FBXL16: variants seen among roughly 807,000 people sequenced by gnomAD.
FBXL16 encodes F-box and leucine rich repeat protein 16, also known as F-box/LRR-repeat protein 16.
Under a neutral mutation model 36.7 loss-of-function variants are expected in FBXL16, and 7 were observed. That is an observed-to-expected ratio of 0.19 (90% CI 0.11 to 0.36). FBXL16 has a LOEUF of 0.36. FBXL16 is among the 10% of genes least tolerant of loss of function. The pLI, the probability that FBXL16 is intolerant of heterozygous loss-of-function variation, is 1.00. For synonymous variants in FBXL16, 355 were observed against 308.7 expected, an observed-to-expected ratio of 1.15 and a Z score of -1.57; for missense variants, 463 against 659.4, an observed-to-expected ratio of 0.70 and a Z score of 3.26.
At chr16:701,862 G>A (rs1299819355) in intron 1 of FBXL16, among the ~76,000 whole-genome samples, 2 of 152,206 alleles carry the variant, frequency 1.3e-5, no homozygotes, top group African/African-American at 4.8e-5. Context: ...AGCTTGAAGT[G>A]GAATCCTGTC....
rs374470559 is a variant in FBXL16 at position 694,625 on chromosome 16, G to C, written c.1291+9C>G. Reference sequence around the variant, plus strand: ...ACTGCCAGCGTCAGAGCAGAAACGGGGGTCTCACCTGCCAGAGACAGGAGG... The same window carrying C: ...ACTGCCAGCGTCAGAGCAGAAACGGCGGTCTCACCTGCCAGAGACAGGAGG... On this transcript the variant is annotated intron_variant, in intron 5 of 5. Transcript: ENST00000397621. The C allele has an allele frequency of 6.2e-7, 1 of 1,607,790 alleles. No homozygotes were observed. Among genetic ancestry groups the C allele is most frequent in the South Asian group, 1.1e-5 (1 of 89,940 alleles).
chr16:697,485 G>A lies in FBXL16; in HGVS notation c.-14-66C>T, dbSNP rs2040023295. 21 of 1,461,786 alleles carry A rather than the reference G, an allele frequency of 1.4e-5. No individual in the cohort carries two copies. In the South Asian group the frequency reaches 1.9e-4, roughly 13 times the overall value. The allele number at this position is 1,461,786 out of a possible 1,614,324, so 90.6% of individuals were successfully genotyped here. A position where few individuals can be genotyped will look rare whatever the true frequency, so the allele number is the denominator to read the frequency against. On this transcript the variant is annotated intron_variant, in intron 1 of 5. Transcript: ENST00000397621. The surrounding 1 kb of genome is among the most constrained non-coding windows in gnomAD (Gnocchi z 4.6). ...AGTCTGGAAGGCCGGGGTTGGGGGCGGGTGCAGTGGGGCTCCTTCCCTCCT... is the reference window on the plus strand; with the variant it reads ...AGTCTGGAAGGCCGGGGTTGGGGGCAGGTGCAGTGGGGCTCCTTCCCTCCT...
chr16:699,592 C>T lies in FBXL16; in HGVS notation c.-14-2173G>A, dbSNP rs559120602. ...CATTGCAAAGTGAACGAGCTCAGTGCGTGGCTCATAGCAAGGTCTGGGAGA... is the reference window on the plus strand; with the variant it reads ...CATTGCAAAGTGAACGAGCTCAGTGTGTGGCTCATAGCAAGGTCTGGGAGA... On this transcript the variant is annotated intron_variant, in intron 1 of 5. Coordinates refer to ENST00000397621, the MANE Select transcript of FBXL16 (RefSeq NM_153350.4). Among the ~76,000 whole-genome samples, 7 of 152,332 alleles carry T rather than the reference C, an allele frequency of 4.6e-5. No individual in the cohort carries two copies. The South Asian group carries it at 6.2e-4, about 14-fold the overall frequency.
At chr16:694,751 G>A (rs1318583987) in intron 4 of FBXL16, 54 bp from the exon 5 acceptor site, 18 of 1,526,912 alleles carry the variant, frequency 1.2e-5, no homozygotes, top group Non-Finnish European at 1.6e-5. Flanking sequence ...GAGGCGGAGG[G>A]CACCCTGGGG....
At chr16:700,582 G>C (rs1207492767) in intron 1 of FBXL16, among the ~76,000 whole-genome samples, 2 of 152,036 alleles carry the variant, frequency 1.3e-5, no homozygotes, top group African/African-American at 4.8e-5. Context: ...GGGCTGCCTC[G>C]GTTCCCTCCC....
Position 705,715 on chromosome 16 carries a change from G to C in FBXL16, c.-218C>G, listed in dbSNP as rs948352905. Reference sequence around the variant, plus strand: ...AGGAGCTCCCCGGTGGGAGAGGATCGGCCGCCCCAAGCCTCCCACCGGGGA... The same window carrying C: ...AGGAGCTCCCCGGTGGGAGAGGATCCGCCGCCCCAAGCCTCCCACCGGGGA... On this transcript the variant is annotated 5_prime_UTR_variant, in exon 1 of 6. Transcript: ENST00000397621. The C allele has an allele frequency of 5.4e-5, 8 of 148,482 alleles. No homozygotes were observed. The highest frequency in any genetic ancestry group is 4.7e-4 in the Admixed American group (7 of 14,978). The allele number at this position is 148,482 out of a possible 1,614,324, so 9.2% of individuals were successfully genotyped here.
At position 697,565 on chromosome 16, in the gene FBXL16, G is replaced by A; in HGVS notation, c.-14-146C>T. The A allele has an allele frequency of 9.2e-7, 1 of 1,090,892 alleles. No individual in the cohort carries two copies. The highest frequency in any genetic ancestry group is 1.3e-6 in the Non-Finnish European group (1 of 795,884). The allele number at this position is 1,090,892 out of a possible 1,614,324, so 67.6% of individuals were successfully genotyped here. A position where few individuals can be genotyped will look rare whatever the true frequency, so the allele number is the denominator to read the frequency against. Reference sequence around the variant, plus strand: ...CCAGACAGAGAGGATGGGAGTGCCTGCTTCTCCCTCCCAGACTGTGAGCAG... The same window carrying A: ...CCAGACAGAGAGGATGGGAGTGCCTACTTCTCCCTCCCAGACTGTGAGCAG... On this transcript the variant is annotated intron_variant, in intron 1 of 5. Coordinates refer to ENST00000397621, the MANE Select transcript of FBXL16 (RefSeq NM_153350.4). The surrounding 1 kb of genome is among the most constrained non-coding windows in gnomAD (Gnocchi z 4.6).
At chr16:701,379 C>T (rs1485929372) in intron 1 of FBXL16, among the ~76,000 whole-genome samples, 2 of 152,226 alleles carry the variant, frequency 1.3e-5, no homozygotes, top group African/African-American at 4.8e-5. Flanking sequence ...ATCTCGCGTC[C>T]ACGTTCCTGC....
Position 696,825 on chromosome 16 carries a change from C to G in FBXL16, c.581G>C (p.Gly194Ala). 6.7e-7 allele frequency: 1 copy of G among 1,500,750 alleles called. No individual in the cohort carries two copies. Among genetic ancestry groups the G allele is most frequent in the South Asian group, 1.2e-5 (1 of 82,516 alleles). 93.0% of individuals were successfully genotyped at this position (1,500,750 alleles called of 1,614,324 possible). A position where few individuals can be genotyped will look rare whatever the true frequency, so the allele number is the denominator to read the frequency against. Residue 194 changes from glycine (G) to alanine (A), a missense_variant, in exon 2 of 6, where the codon GGT becomes GCT. This residue lies in a region of FBXL16 where 263 missense variants were observed against 341.1 expected (regional missense o/e 0.77). Coordinates refer to ENST00000397621, the MANE Select transcript of FBXL16 (RefSeq NM_153350.4). The stretch of plus-strand genomic sequence containing the variant: ...GCGCTTGAGGCTCATGGCTTTGACA[C>G]CCTTCTTGGAGAGCGCATAGTTGTC... ...FIDNYALSKK[G>A]VKAMSLKRST...
chr16:694,388 G>C lies in FBXL16; in HGVS notation c.1327C>G (p.Leu443Val). The change falls in exon 6 of 6, where the codon CTG (leucine) becomes GTG (valine). Residue 443 changes from leucine to valine, a missense_variant. By Grantham distance (32) the Leu-to-Val change is conservative (BLOSUM62 1). Coordinates refer to ENST00000397621, the MANE Select transcript of FBXL16 (RefSeq NM_153350.4). ...TCCTCCAGCTCCTGCAGCTGCACCAGGCCCGACAGCCCGGTGGTGGTGAGC... is the reference window on the plus strand; with the variant it reads ...TCCTCCAGCTCCTGCAGCTGCACCACGCCCGACAGCCCGGTGGTGGTGAGC... Reference protein sequence around the residue: ...PLLTTTGLSGLVQLQELEELE... With the variant: ...PLLTTTGLSGVVQLQELEELE... The C allele has an allele frequency of 6.5e-7, 1 of 1,545,236 alleles. No homozygotes were observed.
chr16:699,797 C>T (rs1267176528), intron 1 of FBXL16, among the ~76,000 whole-genome samples: 1 of 151,740 alleles, frequency 6.6e-6, no homozygotes, highest in Non-Finnish European at 1.5e-5. Flanking sequence ...CACAGCCTCA[C>T]TGGAAGGTCT....
Position 692,964 on chromosome 16 carries a change from T to C in FBXL16, c.*1311A>G, listed in dbSNP as rs1273247352. 1 of 152,340 alleles carries C rather than the reference T, an allele frequency of 6.6e-6. No individual in the cohort carries two copies. The highest frequency in any genetic ancestry group is 1.5e-5 in the Non-Finnish European group (1 of 68,048). The allele number at this position is 152,340 out of a possible 1,614,324, so 9.4% of individuals were successfully genotyped here. A position where few individuals can be genotyped will look rare whatever the true frequency, so the allele number is the denominator to read the frequency against. ...CTGGCTCTCTGGAAACTGGTTACTC[T>C]CTTCCAACCAGATAGGGAGTGTCCC... On this transcript the variant is annotated 3_prime_UTR_variant, in exon 6 of 6. Transcript: ENST00000397621.
In FBXL16 at chr16:697,571, C is replaced by T. The variant is rs960526542; in HGVS notation, c.-14-152G>A. 4.6e-5 allele frequency among the ~76,000 whole-genome samples: 7 copies of T among 152,156 alleles called. No homozygotes were observed. Among genetic ancestry groups the T allele is most frequent in the East Asian group, 1.9e-4 (1 of 5,196 alleles). ...AGAGAGGATGGGAGTGCCTGCTTCT[C>T]CCTCCCAGACTGTGAGCAGCAACAG... On this transcript the variant is annotated intron_variant, in intron 1 of 5. Coordinates refer to ENST00000397621, the MANE Select transcript of FBXL16 (RefSeq NM_153350.4). The surrounding 1 kb of genome is among the most constrained non-coding windows in gnomAD (Gnocchi z 4.6).
At chr16:705,090 A>C (rs1207296575) in intron 1 of FBXL16, among the ~76,000 whole-genome samples, 6 of 151,906 alleles carry the variant, frequency 3.9e-5, no homozygotes, top group Non-Finnish European at 8.8e-5. Flanking sequence ...CCGCCCGGGG[A>C]GGGCCGCCCC....
intron 5 of FBXL16, 100 bp from the exon 6 acceptor site, chr16:694,523 T>C: frequency 6.6e-7 from 1 of 1,507,920 alleles, no homozygotes; most frequent in South Asian, 1.2e-5. Flanking sequence ...GACCCGGGAC[T>C]GTGTGTCCGC....
intron 2 of FBXL16, 32 bp downstream of exon 2, chr16:696,741 C>A: frequency 6.7e-7 from 1 of 1,495,438 alleles, no homozygotes; most frequent in South Asian, 1.4e-5. Flanking sequence ...CCCCTGCCCC[C>A]CAGCCCTGTC....
chr16:697,226 C>G lies in FBXL16; in HGVS notation c.180G>C (p.Leu60=), dbSNP rs980690830. 1.1e-6 allele frequency: 1 copy of G among 950,850 alleles called. No homozygotes were observed. The highest frequency in any genetic ancestry group is 3.8e-5 in the African/African-American group (1 of 26,456). 58.9% of individuals were successfully genotyped at this position (950,850 alleles called of 1,614,324 possible). A position where few individuals can be genotyped will look rare whatever the true frequency, so the allele number is the denominator to read the frequency against. Residue 60 remains leucine (L), a synonymous_variant, in exon 2 of 6, where the codon CTG becomes CTC. Transcript: ENST00000397621. The surrounding 1 kb of genome is among the most constrained non-coding windows in gnomAD (Gnocchi z 4.6). ...GGGCAGCCCGGGACAGTGGAGCAGC[C>G]AGGCTGGGTGGTGGGAGGGTGGGTG... ...PPPPTLPPPS[L]AAPLSRAALA...
rs2040026525 is a variant in FBXL16, at chr16:697,861, A to G, written c.-14-442T>C. Among the ~76,000 whole-genome samples, 1 of 151,950 alleles carries G rather than the reference A, an allele frequency of 6.6e-6. No homozygotes were observed. Among genetic ancestry groups the G allele is most frequent in the Non-Finnish European group, 1.5e-5 (1 of 67,988 alleles). On this transcript the variant is annotated intron_variant, in intron 1 of 5. Coordinates refer to ENST00000397621, the MANE Select transcript of FBXL16 (RefSeq NM_153350.4). The surrounding 1 kb of genome is among the most constrained non-coding windows in gnomAD (Gnocchi z 4.6). The stretch of plus-strand genomic sequence containing the variant: ...TAAAAATACAAAAAATTAGCTGGGC[A>G]TGGTGGCAGGCGCCTGTAGTACCAG...
intron 1 of FBXL16, among the ~76,000 whole-genome samples, chr16:698,280 G>A (rs2040030281): frequency 6.6e-6 from 1 of 152,166 alleles, no homozygotes; most frequent in Non-Finnish European, 1.5e-5. Flanking sequence ...TGGGATTATG[G>A]GAATGAGCCA....
Sources: gnomAD v4.1 joint callset for allele counts (sites outside exome capture counted in the v4.1 genomes callset) on GRCh38, gnomAD v4.1.1 for gene constraint, gnomAD v4.1.1 regional missense constraint, Gnocchi (gnomAD v3.1) non-coding constraint, MANE v1.5 for transcripts, NCBI Gene and HGNC (gene_info 2026-07-23, HGNC 2026-07-21) for gene names.